TBCE: variants seen among roughly 807,000 people sequenced by gnomAD.
The protein encoded by TBCE is tubulin-specific chaperone E.
In TBCE, 53 loss-of-function variants were observed where a neutral mutation model predicts 77.0. That is an observed-to-expected ratio of 0.69 (90% confidence interval 0.55 to 0.87). TBCE has a LOEUF of 0.87. TBCE is among the 40% of genes least tolerant of loss of function. The probability of loss-of-function intolerance (pLI) is 0.00; values close to 1 mark genes in which losing one functional copy is unlikely to be tolerated. For missense variants in TBCE, 624 were observed against 622.4 expected (o/e 1.00, Z -0.03); for synonymous variants, 235 against 241.3 (o/e 0.97, Z 0.24).
In TBCE at chr1:235,449,635, T is replaced by TCAAGTTAG. The variant is rs1682770105; in HGVS notation, c.*874_*881dup. ...AACTGAGAATCATATTGGTTCCTCTTCAAGTTAGTTCAAGTTGCCCACTTC... is the reference window on the plus strand; with the variant it reads ...AACTGAGAATCATATTGGTTCCTCTTCAAGTTAGCAAGTTAGTTCAAGTTGCCCACTTC... On this transcript the variant is annotated 3_prime_UTR_variant, in exon 17 of 17. Transcript: ENST00000642610. 1 of 152,548 alleles carries TCAAGTTAG rather than the reference T, an allele frequency of 6.6e-6. No homozygotes were observed. The highest frequency in any genetic ancestry group is 1.5e-5 in the Non-Finnish European group (1 of 68,310). The allele number at this position is 152,548 out of a possible 1,614,324, so 9.4% of individuals were successfully genotyped here. A position where few individuals can be genotyped will look rare whatever the true frequency, so the allele number is the denominator to read the frequency against.
chr1:235,407,179 G>C (rs1474587860), intron 3 of TBCE, among the ~76,000 whole-genome samples: 2 of 149,004 alleles, frequency 1.3e-5, no homozygotes, highest in Non-Finnish European at 3.0e-5. Flanking sequence ...TGTCACCCAG[G>C]TAGTAGTACA....
intron 14 of TBCE, among the ~76,000 whole-genome samples, chr1:235,442,187 C>T (rs751179721): frequency 2.6e-5 from 4 of 151,388 alleles, no homozygotes; most frequent in Non-Finnish European, 2.9e-5. Context: ...TTTTTTTAAT[C>T]GAGACGGAGT....
At chr1:235,424,559 G>A (rs1680595003) in intron 5 of TBCE, among the ~76,000 whole-genome samples, 2 of 151,008 alleles carry the variant, frequency 1.3e-5, no homozygotes, top group African/African-American at 4.9e-5. Context: ...AGGCTGGAGT[G>A]CAATGGCATG....
chr1:235,440,091 C>A (rs1681752209), intron 13 of TBCE, among the ~76,000 whole-genome samples: 1 of 152,014 alleles, frequency 6.6e-6, no homozygotes, highest in South Asian at 2.1e-4. Flanking sequence ...CTGCCTCAGC[C>A]TCCCGAGTGG....
At chr1:235,379,927 G>A (rs909502005) in intron 1 of TBCE, 92 bp from the exon 2 acceptor site, 5 of 731,048 alleles carry the variant, frequency 6.8e-6, no homozygotes, top group South Asian at 3.2e-5. Context: ...CAGCCTGGGC[G>A]ACAGAGCAAG....
At chr1:235,443,304 C>G (rs1682029617) in intron 15 of TBCE, among the ~76,000 whole-genome samples, 1 of 152,102 alleles carries the variant, frequency 6.6e-6, no homozygotes, top group African/African-American at 2.4e-5. Flanking sequence ...TGGGCCCAAG[C>G]AATTCTCCAG....
intron 4 of TBCE, among the ~76,000 whole-genome samples, chr1:235,417,712 C>T (rs1187421446): frequency 1.3e-5 from 2 of 152,150 alleles, no homozygotes; most frequent in Non-Finnish European, 2.9e-5. Flanking sequence ...GTTTGGGACC[C>T]TCTAACCTTG....
At chr1:235,447,257 A>G (rs1316593040) in intron 15 of TBCE, among the ~76,000 whole-genome samples, 1 of 152,234 alleles carries the variant, frequency 6.6e-6, no homozygotes, top group Non-Finnish European at 1.5e-5. Flanking sequence ...AAGTTGGATA[A>G]AAACACACAG....
chr1:235,403,125 A>G (rs188965132), intron 3 of TBCE, among the ~76,000 whole-genome samples: 67 of 152,318 alleles, frequency 4.4e-4, no homozygotes, highest in Non-Finnish European at 8.8e-5. Context: ...TTCAGGTTAT[A>G]TGGTTAGGGA....
At chr1:235,402,776 C>T (rs1679193127) in intron 3 of TBCE, among the ~76,000 whole-genome samples, 1 of 151,644 alleles carries the variant, frequency 6.6e-6, no homozygotes, top group African/African-American at 2.4e-5. Flanking sequence ...AGGCGTGCAC[C>T]AGCACACCCA....
intron 3 of TBCE, among the ~76,000 whole-genome samples, chr1:235,403,813 T>TA (rs1679260020): frequency 6.6e-6 from 1 of 152,180 alleles, no homozygotes; most frequent in Non-Finnish European, 1.5e-5. Context: ...GTGAACATCA[T>TA]AGTATACTTA....
intron 2 of TBCE, among the ~76,000 whole-genome samples, chr1:235,390,630 G>A (rs1317976298): frequency 2.0e-5 from 3 of 152,014 alleles, no homozygotes; most frequent in African/African-American, 7.3e-5. Context: ...ATGTGGTGGT[G>A]CATGCCAATA....
chr1:235,448,934 C>CATAATAGCAATA lies in TBCE; in HGVS notation c.*177_*188dup. 1 of 589,128 alleles carries CATAATAGCAATA rather than the reference C, an allele frequency of 1.7e-6. No individual in the cohort carries two copies. Among genetic ancestry groups the CATAATAGCAATA allele is most frequent in the Non-Finnish European group, 3.1e-6 (1 of 326,842 alleles). The allele number at this position is 589,128 out of a possible 1,614,324, so 36.5% of individuals were successfully genotyped here. On this transcript the variant is annotated 3_prime_UTR_variant, in exon 17 of 17. Transcript: ENST00000642610. ...GGAAGTGACCATTTCTAGGCTTATA[C>CATAATAGCAATA]ATAATAGCAATAATAAAGGCTTTGA...
intron 13 of TBCE, among the ~76,000 whole-genome samples, chr1:235,440,040 C>A (rs1004347630): frequency 4.6e-5 from 7 of 151,652 alleles, no homozygotes. Flanking sequence ...CCGCGATCTC[C>A]GCTCACTGCA....
At chr1:235,398,752 G>A (rs1678904133) in intron 2 of TBCE, among the ~76,000 whole-genome samples, 1 of 143,376 alleles carries the variant, frequency 7.0e-6, no homozygotes, top group African/African-American at 2.5e-5. Flanking sequence ...TGGGACTACA[G>A]CTACTGTAGT....
At chr1:235,404,138 G>A (rs545306186) in intron 3 of TBCE, among the ~76,000 whole-genome samples, 13 of 152,240 alleles carry the variant, frequency 8.5e-5, no homozygotes, top group Non-Finnish European at 1.2e-4. Context: ...TTAGCCAGGC[G>A]TGGTGGCGGG....
chr1:235,427,332 G>A (rs1680782573), intron 6 of TBCE, 93 bp downstream of exon 6: 3 of 1,000,422 alleles, frequency 3.0e-6, no homozygotes, highest in Admixed American at 1.8e-5. Context: ...GTAGGGAGCC[G>A]GAAGGGTTAA....
At position 235,448,675 on chromosome 1, in the gene TBCE, G is replaced by C. The variant is rs148233223; in HGVS notation, c.1497G>C (p.Pro499=). ...CACCTTCGTTCTAATTTTAGAAGCC[G>C]GGCAGAGAAATCGAGCTGGAAAATG... is the stretch of plus-strand genomic sequence containing the variant. ...LLLSYESPKK[P]GREIELENDL... Residue 499 remains proline (P), a synonymous_variant, in exon 17 of 17, where the codon CCG becomes CCC. Transcript: ENST00000642610. 6.2e-7 allele frequency: 1 copy of C among 1,613,450 alleles called. No individual in the cohort carries two copies. Among genetic ancestry groups the C allele is most frequent in the Non-Finnish European group, 8.5e-7 (1 of 1,179,588 alleles).
At position 235,450,212 on chromosome 1, in the gene TBCE, T is replaced by C; in HGVS notation, c.*1450T>C. The C allele has an allele frequency of 6.2e-7, 1 of 1,614,162 alleles. No homozygotes were observed. The highest frequency in any genetic ancestry group is 2.2e-5 in the East Asian group (1 of 44,868). Reference sequence around the variant, plus strand: ...CTGCTAATTCAAGTCCCTGTTATCTTGCTTGACATCGACAAGGATCACCGC... The same window carrying C: ...CTGCTAATTCAAGTCCCTGTTATCTCGCTTGACATCGACAAGGATCACCGC... On this transcript the variant is annotated 3_prime_UTR_variant, in exon 17 of 17. Coordinates refer to ENST00000642610, the MANE Select transcript of TBCE (RefSeq NM_003193.5).
Sources: allele counts gnomAD v4.1 joint callset (sites outside exome capture counted in the v4.1 genomes callset), GRCh38; gene constraint gnomAD v4.1.1; transcripts MANE v1.5; gene names NCBI Gene and HGNC (gene_info 2026-07-23, HGNC 2026-07-21).